The following GPC5 variants were observed in gnomAD, a reference collection of about 807,000 sequenced individuals.
GPC5 encodes the protein glypican 5.
GPC5 carries 47 observed loss-of-function variants against 53.9 expected under a neutral mutation model. That is an observed-to-expected ratio of 0.87 (90% CI 0.69 to 1.11). The LOEUF (loss-of-function observed/expected upper bound fraction) is 1.11, where lower values mean the gene tolerates loss of function less well. Ranked by LOEUF, GPC5 falls within the 50% of genes most tolerant of loss-of-function variation. The pLI is 0.00. For synonymous variants in GPC5, 286 were observed against 263.3 expected (o/e 1.09, Z -0.84); for missense variants, 748 against 713.1 (o/e 1.05, Z -0.56).
At chr13:91,581,989 G>A (rs1419551496) in intron 2 of GPC5, among the ~76,000 whole-genome samples, 2 of 152,146 alleles carry the variant, frequency 1.3e-5, no homozygotes, top group Non-Finnish European at 2.9e-5. Flanking sequence ...TGAAACCCAG[G>A]ATGCTAAATT....
intron 7 of GPC5, among the ~76,000 whole-genome samples, chr13:92,622,736 A>G (rs547045089): frequency 6.6e-6 from 1 of 152,022 alleles, no homozygotes; most frequent in East Asian, 1.9e-4. Context: ...GGCCCTTACT[A>G]ATCCACGATA....
chr13:91,924,748 A>T (rs1210557196), intron 6 of GPC5, among the ~76,000 whole-genome samples: 1 of 152,118 alleles, frequency 6.6e-6, no homozygotes, highest in Non-Finnish European at 1.5e-5. Flanking sequence ...ATCAAAAATA[A>T]TAATCATAAA....
chr13:91,547,983 A>G (rs928249084), intron 2 of GPC5, among the ~76,000 whole-genome samples: 1 of 152,162 alleles, frequency 6.6e-6, no homozygotes, highest in African/African-American at 2.4e-5. Context: ...GATAAAGAAT[A>G]TCTCTAAAAA....
chr13:92,500,499 TC>T (rs1235613845), intron 7 of GPC5, among the ~76,000 whole-genome samples: 1 of 152,172 alleles, frequency 6.6e-6, no homozygotes, highest in African/African-American at 2.4e-5. Flanking sequence ...TAGATAGACT[TC>T]TCTACATTCC....
chr13:92,094,131 G>A lies in GPC5; in HGVS notation c.1402-50699G>A, dbSNP rs931590469. Among the ~76,000 whole-genome samples, 16 of 152,120 alleles carry A rather than the reference G, an allele frequency of 1.1e-4. No homozygotes were observed. The East Asian group carries it at 1.2e-3, about 11-fold the overall frequency. ...TTATTACGCCAATGATTTATATAAC[G>A]GGGAACTTCAATTCAATGTTTGGTA... is the stretch of plus-strand genomic sequence containing the variant. On this transcript the variant is annotated intron_variant, in intron 6 of 7. Coordinates refer to ENST00000377067, the MANE Select transcript of GPC5 (RefSeq NM_004466.6).
intron 7 of GPC5, among the ~76,000 whole-genome samples, chr13:92,504,548 G>T (rs7992204): frequency 0.57 from 86,930 of 151,700 alleles, 25,568 homozygotes; most frequent in East Asian, 0.75. Flanking sequence ...CAAAACAATT[G>T]CGAATAAAGA....
At position 91,447,481 on chromosome 13, in the gene GPC5, A is replaced by T. The variant is rs1594102279; in HGVS notation, c.164-1280A>T. 2.0e-5 allele frequency among the ~76,000 whole-genome samples: 3 copies of T among 152,252 alleles called. No individual in the cohort carries two copies. The East Asian group carries it at 5.8e-4, about 29-fold the overall frequency. On this transcript the variant is annotated intron_variant, in intron 1 of 7. Transcript: ENST00000377067. ...TTCTTAGCCTTTGTAAAGTGTCAAA[A>T]TTCTGTCATTTGTTATTTGTCTGAC...
intron 6 of GPC5, among the ~76,000 whole-genome samples, chr13:92,098,697 T>C (rs2041440879): frequency 1.3e-5 from 2 of 152,202 alleles, no homozygotes; most frequent in Non-Finnish European, 2.9e-5. Flanking sequence ...CTGACTTTAA[T>C]ATAGCAACAT....
intron 7 of GPC5, among the ~76,000 whole-genome samples, chr13:92,236,532 T>C (rs1394894769): frequency 6.6e-6 from 1 of 152,130 alleles, no homozygotes; most frequent in East Asian, 1.9e-4. Flanking sequence ...TTCCCTCACT[T>C]TTTTTCATAT....
chr13:91,676,366 C>T (rs956004836), intron 2 of GPC5, among the ~76,000 whole-genome samples: 12 of 152,090 alleles, frequency 7.9e-5, no homozygotes, highest in African/African-American at 1.2e-4. Flanking sequence ...CCACCGCACC[C>T]GGCCACCTTT....
intron 7 of GPC5, among the ~76,000 whole-genome samples, chr13:92,450,566 C>T (rs2139397994): frequency 6.6e-6 from 1 of 152,214 alleles, no homozygotes; most frequent in Admixed American, 6.5e-5. Context: ...ACCTGGATTT[C>T]AGTTTACAGT....
intron 2 of GPC5, among the ~76,000 whole-genome samples, chr13:91,571,784 T>TACGTGTGTGTATATACACACACAC (rs1566515148): frequency 8.0e-6 from 1 of 125,396 alleles, no homozygotes; most frequent in Non-Finnish European, 1.7e-5. Context: ...TACACACACA[T>TACGTGTGTGTATATACACACACAC]ATACGTGTGT....
rs182648714 is a variant in GPC5, at chr13:91,829,524, A to G, written c.1280+73104A>G. Among the ~76,000 whole-genome samples the G allele has an allele frequency of 3.6e-3, 553 of 152,198 alleles. 3 individuals carry two copies. The highest frequency in any genetic ancestry group is 0.012 in the African/African-American group (501 of 41,548). On this transcript the variant is annotated intron_variant, in intron 5 of 7. Transcript: ENST00000377067. ...AAAATTTCCTTGTTCTTAGGAAACAATGTATACACTAGAGTGTATATGGGT... is the reference window on the plus strand; with the variant it reads ...AAAATTTCCTTGTTCTTAGGAAACAGTGTATACACTAGAGTGTATATGGGT...
chr13:92,081,426 A>G (rs760659300), intron 6 of GPC5, among the ~76,000 whole-genome samples: 13 of 152,244 alleles, frequency 8.5e-5, no homozygotes, highest in Non-Finnish European at 1.5e-5. Context: ...TGTTCGCAGA[A>G]CATAGCAAAG....
intron 7 of GPC5, among the ~76,000 whole-genome samples, chr13:92,445,197 C>A (rs1343946552): frequency 7.2e-6 from 1 of 138,590 alleles, no homozygotes; most frequent in Non-Finnish European, 1.7e-5. Context: ...TGCTCCTTTC[C>A]CCTCCTCTCC....
intron 7 of GPC5, among the ~76,000 whole-genome samples, chr13:92,647,233 A>G (rs1281830936): frequency 6.6e-6 from 1 of 152,062 alleles, no homozygotes; most frequent in African/African-American, 2.4e-5. Flanking sequence ...ACAATTTGCT[A>G]TTATATTCAC....
At chr13:92,189,178 A>G (rs1304153432) in intron 7 of GPC5, among the ~76,000 whole-genome samples, 2 of 152,174 alleles carry the variant, frequency 1.3e-5, no homozygotes, top group Non-Finnish European at 2.9e-5. Context: ...TGTTTCCAGC[A>G]GGAAGGGGAG....
In GPC5 at chr13:92,009,252, T is replaced by TTGTGTGTGTGTGTG. The variant is rs2040638176; in HGVS notation, c.1401+101195_1401+101196insTGTGTGTGTGTGTG. Among the ~76,000 whole-genome samples, 11 of 51,166 alleles carry TTGTGTGTGTGTGTG rather than the reference T, an allele frequency of 2.1e-4. No individual in the cohort carries two copies. In the South Asian group the frequency reaches 0.013, roughly 59 times the overall value. The allele number at this position is 51,166 out of a possible 152,430, so 33.6% of individuals were successfully genotyped here. A position where few individuals can be genotyped will look rare whatever the true frequency, so the allele number is the denominator to read the frequency against. ...TTTTTATCTGTTGAGTGCTGGATTT[T>TTGTGTGTGTGTGTG]CGTGTGTGTGTGTGTGTGTGTGTGT... On this transcript the variant is annotated intron_variant, in intron 6 of 7. Coordinates refer to ENST00000377067, the MANE Select transcript of GPC5 (RefSeq NM_004466.6).
chr13:91,955,166 G>A (rs2040061717), intron 6 of GPC5, among the ~76,000 whole-genome samples: 1 of 152,014 alleles, frequency 6.6e-6, no homozygotes, highest in Admixed American at 6.6e-5. Flanking sequence ...AAATTAATCT[G>A]GATATTCAGT....
Sources: allele counts gnomAD v4.1 joint callset (sites outside exome capture counted in the v4.1 genomes callset), GRCh38; gene constraint gnomAD v4.1.1; transcripts MANE v1.5; gene names NCBI Gene and HGNC (gene_info 2026-07-23, HGNC 2026-07-21).